MIS18BP1: variants seen among roughly 807,000 people sequenced by gnomAD.
The protein encoded by MIS18BP1 is mis18-binding protein 1.
In MIS18BP1, 72 loss-of-function variants were observed where a neutral mutation model predicts 116.1. That is an observed-to-expected ratio of 0.62 (90% CI 0.51 to 0.75). The LOEUF is 0.75. MIS18BP1 is among the 30% of genes least tolerant of loss of function. The pLI is 0.00. For missense variants in MIS18BP1, 1,363 were observed against 1,303.2 expected, an observed-to-expected ratio of 1.05 and a Z score of -0.71; for synonymous variants, 386 against 427.0, an observed-to-expected ratio of 0.90 and a Z score of 1.18.
At chr14:45,231,324 C>A in intron 7 of MIS18BP1, 26 bp from the exon 8 acceptor site, 1 of 1,523,426 alleles carries the variant, frequency 6.6e-7, no homozygotes, top group Non-Finnish European at 8.8e-7. Context: ...TTTTATTTTT[C>A]CTTAATACTG....
intron 11 of MIS18BP1, among the ~76,000 whole-genome samples, chr14:45,221,772 T>C (rs192401061): frequency 1.3e-5 from 2 of 152,354 alleles, no homozygotes; most frequent in Non-Finnish European, 2.9e-5. Flanking sequence ...CTGATGGTGT[T>C]GTTCAGTTCT....
intron 10 of MIS18BP1, among the ~76,000 whole-genome samples, chr14:45,225,746 G>A (rs1891107632): frequency 6.6e-6 from 1 of 152,092 alleles, no homozygotes; most frequent in Non-Finnish European, 1.5e-5. Context: ...TAAGTAATGA[G>A]AAGTCAAACT....
At chr14:45,211,740 G>A (rs371121704) in intron 13 of MIS18BP1, among the ~76,000 whole-genome samples, 2 of 152,184 alleles carry the variant, frequency 1.3e-5, no homozygotes, top group South Asian at 2.1e-4. Flanking sequence ...GTTGGATAGG[G>A]CCATGGAGCC....
chr14:45,226,996 G>A (rs1459659822), intron 9 of MIS18BP1, among the ~76,000 whole-genome samples, 160 bp from the exon 10 acceptor site: 2 of 152,134 alleles, frequency 1.3e-5, no homozygotes, highest in African/African-American at 2.4e-5. Flanking sequence ...GCCAGACCTT[G>A]AGCACTACGA....
chr14:45,218,599 A>G lies in MIS18BP1; in HGVS notation c.2670-145T>C, dbSNP rs1890888317. 6 of 798,852 alleles carry G rather than the reference A, an allele frequency of 7.5e-6. No individual in the cohort carries two copies. In the South Asian group the frequency reaches 1.1e-4, roughly 15 times the overall value. 49.5% of individuals were successfully genotyped at this position (798,852 alleles called of 1,614,324 possible). ...TCATTCTGGATAACAATTAAGAAAG[A>G]TATTATTCCTTCCCCTCAATAACTT... On this transcript the variant is annotated intron_variant, in intron 11 of 16. Coordinates refer to ENST00000310806, the MANE Select transcript of MIS18BP1 (RefSeq NM_018353.5).
At chr14:45,220,833 T>G (rs946794730) in intron 11 of MIS18BP1, among the ~76,000 whole-genome samples, 2 of 152,182 alleles carry the variant, frequency 1.3e-5, no homozygotes, top group Non-Finnish European at 2.9e-5. Flanking sequence ...TATTTTCATT[T>G]TTGTTCAGTT....
At chr14:45,221,759 T>C (rs1890982781) in intron 11 of MIS18BP1, among the ~76,000 whole-genome samples, 1 of 152,252 alleles carries the variant, frequency 6.6e-6, no homozygotes, top group African/African-American at 2.4e-5. Context: ...ATCATACGAA[T>C]GACTGATGGT....
intron 10 of MIS18BP1, among the ~76,000 whole-genome samples, chr14:45,226,198 G>C (rs980845023): frequency 6.6e-6 from 1 of 152,156 alleles, no homozygotes; most frequent in African/African-American, 2.4e-5. Flanking sequence ...GAACTCGGAA[G>C]TATAAGTAGC....
At chr14:45,210,337 C>G (rs1370638326) in intron 14 of MIS18BP1, 43 bp downstream of exon 14, 2 of 1,589,702 alleles carry the variant, frequency 1.3e-6, no homozygotes, top group African/African-American at 2.7e-5. Context: ...TTCCTCACTA[C>G]TCTGATGCAG....
chr14:45,252,202 G>A (rs1891894108), intron 1 of MIS18BP1, among the ~76,000 whole-genome samples: 1 of 152,090 alleles, frequency 6.6e-6, no homozygotes, highest in African/African-American at 2.4e-5. Context: ...CCACTACACA[G>A]GGAAGTTCAC....
At chr14:45,219,614 C>T (rs1483912628) in intron 11 of MIS18BP1, among the ~76,000 whole-genome samples, 3 of 152,114 alleles carry the variant, frequency 2.0e-5, no homozygotes, top group African/African-American at 4.8e-5. Context: ...TTGTAAAATT[C>T]TCCAAAATTT....
At chr14:45,208,833 T>C (rs184856119) in intron 14 of MIS18BP1, among the ~76,000 whole-genome samples, 19 of 152,282 alleles carry the variant, frequency 1.2e-4, no homozygotes, top group African/African-American at 4.3e-4. Context: ...TACTGAATAG[T>C]TTTTTTCTCA....
rs761608893 is a variant in MIS18BP1, at chr14:45,224,424, AGTAAGTAAGTCACGTTCATC to A, written c.2143_2162del (p.Asp715CysfsTer9). On this transcript the variant is annotated frameshift_variant, in exon 11 of 17. Coordinates refer to ENST00000310806, the MANE Select transcript of MIS18BP1 (RefSeq NM_018353.5). LOFTEE classifies it high-confidence loss of function. ...TAGATATTTTTATTTTCCGGTTGACAGTAAGTAAGTCACGTTCATCGCAATCTTCCTTGTTTTTACTTTTA... is the reference window on the plus strand; with the variant it reads ...TAGATATTTTTATTTTCCGGTTGACAGCAATCTTCCTTGTTTTTACTTTTA... 3.1e-6 allele frequency: 5 copies of A among 1,613,784 alleles called. No homozygotes were observed. The Admixed American group carries it at 8.3e-5, about 27-fold the overall frequency.
At chr14:45,224,775 CCAAAATCT>C in intron 10 of MIS18BP1, 29 bp from the exon 11 acceptor site, 1 of 1,448,578 alleles carries the variant, frequency 6.9e-7, no homozygotes, top group Non-Finnish European at 9.3e-7. Flanking sequence ...AAACCAAAGA[CCAAAATCT>C]CAAATTAGCT....
chr14:45,235,855 A>G lies in MIS18BP1; in HGVS notation c.1307T>C (p.Ile436Thr), dbSNP rs1330186414. Residue 436 changes from isoleucine to threonine, a missense_variant, in exon 6 of 17, where the codon ATA becomes ACA. Coordinates refer to ENST00000310806, the MANE Select transcript of MIS18BP1 (RefSeq NM_018353.5). ...KLRTISGNVY[I>T]LKGMIDQISM... ...AATTTGGTCTATCATGCCTTTTAAT[A>G]TATAAACGTTGCCTGATATAGTCCT... The G allele has an allele frequency of 5.0e-6, 8 of 1,610,216 alleles. No homozygotes were observed. Among genetic ancestry groups the G allele is most frequent in the Non-Finnish European group, 6.8e-6 (8 of 1,178,086 alleles).
At chr14:45,230,522 C>A (rs1294386306) in intron 8 of MIS18BP1, among the ~76,000 whole-genome samples, 1 of 152,082 alleles carries the variant, frequency 6.6e-6, no homozygotes, top group Non-Finnish European at 1.5e-5. Context: ...AGGTTGGCAG[C>A]TTAAATACTT....
Position 45,218,521 on chromosome 14 carries a change from A to C in MIS18BP1, c.2670-67T>G, listed in dbSNP as rs539103888. ...CCAATGACAATAACCTCTTAAAAGC[A>C]TAACACTGAATTGATGAGATTTACT... On this transcript the variant is annotated intron_variant, in intron 11 of 16. Transcript: ENST00000310806. 9.3e-5 allele frequency: 126 copies of C among 1,359,796 alleles called. 3 individuals carry two copies. In the South Asian group the frequency reaches 1.7e-3, roughly 19 times the overall value. The allele number at this position is 1,359,796 out of a possible 1,614,324, so 84.2% of individuals were successfully genotyped here.
At chr14:45,245,049 T>A (rs1408615312) in intron 2 of MIS18BP1, among the ~76,000 whole-genome samples, 1 of 152,178 alleles carries the variant, frequency 6.6e-6, no homozygotes, top group African/African-American at 2.4e-5. Flanking sequence ...ATTGCCATTA[T>A]TTCTTTGCCA....
At chr14:45,247,771 T>C (rs1891761863) in intron 1 of MIS18BP1, among the ~76,000 whole-genome samples, 1 of 152,168 alleles carries the variant, frequency 6.6e-6, no homozygotes, top group Non-Finnish European at 1.5e-5. Context: ...TTACAAAAGA[T>C]AAAGTTCCAC....
Sources: gnomAD v4.1 joint callset for allele counts (sites outside exome capture counted in the v4.1 genomes callset) on GRCh38, gnomAD v4.1.1 for gene constraint, MANE v1.5 for transcripts, NCBI Gene and HGNC (gene_info 2026-07-23, HGNC 2026-07-21) for gene names.